Variants in DNAI4 observed in about 807,000 individuals in gnomAD.
The protein encoded by DNAI4 is dynein axonemal intermediate chain 4.
In DNAI4, 85 loss-of-function variants were observed where a neutral mutation model predicts 105.8. The observed-to-expected ratio is 0.80, with a 90% CI of 0.67 to 0.96. DNAI4 has a LOEUF of 0.96. DNAI4 is among the 40% of genes least tolerant of loss of function. The pLI, the probability that DNAI4 is intolerant of heterozygous loss-of-function variation, is 0.00. For missense variants in DNAI4, 1,014 were observed against 1,005.6 expected (o/e 1.01, Z -0.11); for synonymous variants, 352 against 331.5 (o/e 1.06, Z -0.67).
At chr1:66,832,971 A>G (rs1312199302) in intron 13 of DNAI4, among the ~76,000 whole-genome samples, 2 of 152,182 alleles carry the variant, frequency 1.3e-5, no homozygotes, top group African/African-American at 4.8e-5. Flanking sequence ...AAGACTATAT[A>G]CAAGTGGATT....
At chr1:66,836,258 AAGAAAGAAAG>A (rs1407612579) in intron 10 of DNAI4, among the ~76,000 whole-genome samples, 2 of 7,380 alleles carry the variant, frequency 2.7e-4, no homozygotes, top group Non-Finnish European at 5.7e-4. Flanking sequence ...GAGAGAGAGA[AAGAAAGAAAG>A]AAAGAAAGAA....
At chr1:66,889,295 T>G (rs1647392709) in intron 4 of DNAI4, among the ~76,000 whole-genome samples, 1 of 152,156 alleles carries the variant, frequency 6.6e-6, no homozygotes, top group African/African-American at 2.4e-5. Flanking sequence ...TTTTTTACCT[T>G]CCTGAAAAAT....
At chr1:66,879,069 G>A (rs1647014222) in intron 4 of DNAI4, among the ~76,000 whole-genome samples, 1 of 152,018 alleles carries the variant, frequency 6.6e-6, no homozygotes, top group South Asian at 2.1e-4. Flanking sequence ...CACTTTTTGT[G>A]TTGTAATATT....
At chr1:66,893,105 G>C (rs1035533698) in intron 3 of DNAI4, 124 bp downstream of exon 3, 1 of 466,646 alleles carries the variant, frequency 2.1e-6, no homozygotes, top group African/African-American at 2.1e-5. Flanking sequence ...AAGAAAGAAA[G>C]AAAGAAAGAA....
At chr1:66,865,076 T>C (rs370201928) in intron 6 of DNAI4, among the ~76,000 whole-genome samples, 1 of 152,192 alleles carries the variant, frequency 6.6e-6, no homozygotes, top group African/African-American at 2.4e-5. Flanking sequence ...ATAAAGTTTT[T>C]AAATAATGAA....
chr1:66,917,110 TAGAC>T (rs920751111), intron 1 of DNAI4, among the ~76,000 whole-genome samples: 3 of 152,238 alleles, frequency 2.0e-5, no homozygotes, highest in African/African-American at 7.2e-5. Flanking sequence ...GTATAAAAAT[TAGAC>T]AGGGAGCATT....
rs1257809146 is a variant in DNAI4, at chr1:66,834,129, A to G, written c.1753T>C (p.Leu585=). The G allele has an allele frequency of 5.0e-6, 8 of 1,604,200 alleles. No homozygotes were observed. The highest frequency in any genetic ancestry group is 2.2e-5 in the East Asian group (1 of 44,570). Residue 585 remains leucine, a synonymous_variant, in exon 12 of 17, where the codon TTG becomes CTG. Transcript: ENST00000371026. ...LDSSESPQKH[L]GPVWQLQWIE... ...CACTGTAGTTGCCATACAGGTCCCA[A>G]ATGTTTTTGAGGTGATTCACTAAAA...
intron 4 of DNAI4, among the ~76,000 whole-genome samples, chr1:66,877,653 T>C (rs1646985169): frequency 6.6e-6 from 1 of 152,174 alleles, no homozygotes; most frequent in African/African-American, 2.4e-5. Context: ...CTAATTTCCT[T>C]AAATTTAACT....
chr1:66,847,446 C>T, intron 8 of DNAI4, 38 bp downstream of exon 8: 1 of 1,581,210 alleles, frequency 6.3e-7, no homozygotes, highest in South Asian at 1.1e-5. Flanking sequence ...GCATAAGCAA[C>T]TGCACCCAGC....
At chr1:66,914,552 C>G (rs1187455804) in intron 1 of DNAI4, among the ~76,000 whole-genome samples, 1 of 152,138 alleles carries the variant, frequency 6.6e-6, no homozygotes, top group African/African-American at 2.4e-5. Flanking sequence ...CCTTCTAGCA[C>G]ATAAAACTTT....
chr1:66,837,724 T>C lies in DNAI4; in HGVS notation c.1567A>G (p.Ile523Val), dbSNP rs754116829. 11 of 1,609,514 alleles carry C rather than the reference T, an allele frequency of 6.8e-6. No homozygotes were observed. The highest frequency in any genetic ancestry group is 1.7e-5 in the Admixed American group (1 of 59,744). Residue 523 changes from isoleucine (I) to valine (V), a missense_variant, in exon 10 of 17, where the codon ATA becomes GTA. By Grantham distance (29) the Ile-to-Val change is conservative. Coordinates refer to ENST00000371026, the MANE Select transcript of DNAI4 (RefSeq NM_024763.5). The stretch of plus-strand genomic sequence containing the variant: ...GTTTGGGTTACCATGGGATTCTTTA[T>C]TGACCAGCAGCAAGCCAGTCCTCTT... ...QKRGLACCWS[I>V]KNPMWPERIY...
chr1:66,837,941 G>A, intron 9 of DNAI4, 145 bp from the exon 10 acceptor site: 1 of 755,936 alleles, frequency 1.3e-6, no homozygotes, highest in Non-Finnish European at 2.1e-6. Flanking sequence ...TACACCATCT[G>A]TTTTTACTCT....
chr1:66,920,632 C>T (rs1243144935), intron 1 of DNAI4, among the ~76,000 whole-genome samples: 1 of 152,170 alleles, frequency 6.6e-6, no homozygotes, highest in African/African-American at 2.4e-5. Flanking sequence ...GCTCCACCTC[C>T]CTCAAGGGGT....
chr1:66,909,684 C>T (rs958426030), intron 1 of DNAI4, among the ~76,000 whole-genome samples: 3 of 151,882 alleles, frequency 2.0e-5, no homozygotes, highest in Admixed American at 2.0e-4. Flanking sequence ...TAGACCTCTC[C>T]TCTGTATATC....
intron 8 of DNAI4, among the ~76,000 whole-genome samples, chr1:66,844,084 CAAA>C (rs55925419): frequency 4.5e-5 from 3 of 66,354 alleles, no homozygotes; most frequent in African/African-American, 1.2e-4. Context: ...ACTGGAGATT[CAAA>C]AAAAAAAAAA....
chr1:66,827,170 A>G (rs1300066570), intron 14 of DNAI4, 124 bp from the exon 15 acceptor site: 1 of 773,280 alleles, frequency 1.3e-6, no homozygotes, highest in African/African-American at 1.8e-5. Flanking sequence ...TGTGGGCATT[A>G]TTTTAGTTGA....
rs1645970468 is a variant in DNAI4 at position 66,835,693 on chromosome 1, A to G, written c.1666T>C (p.Tyr556His). The change falls in exon 11 of 17, where the codon TAT (tyrosine) becomes CAT (histidine). Residue 556 changes from tyrosine to histidine, a missense_variant. Transcript: ENST00000371026. The part of the protein sequence containing the change: ...IGAPNLLAVG[Y>H]HNGTIAIYNV... Reference sequence around the variant, plus strand: ...TAAATTGCAATTGTGCCATTGTGATAGCCAACGGCTAAAAGGTTAGGTGCT... The same window carrying G: ...TAAATTGCAATTGTGCCATTGTGATGGCCAACGGCTAAAAGGTTAGGTGCT... 6.2e-6 allele frequency: 10 copies of G among 1,614,024 alleles called. No homozygotes were observed. The highest frequency in any genetic ancestry group is 8.5e-6 in the Non-Finnish European group (10 of 1,179,970).
chr1:66,827,055 A>T lies in DNAI4; in HGVS notation c.2113-9T>A. On this transcript the variant is annotated splice_polypyrimidine_tract_variant and intron_variant, in intron 14 of 16. Coordinates refer to ENST00000371026, the MANE Select transcript of DNAI4 (RefSeq NM_024763.5). ...ACTTTATACACTGGACCCTAGAAAT[A>T]AAAAAAAAATACATAGGTAAATAAT... 5 of 1,211,058 alleles carry T rather than the reference A, an allele frequency of 4.1e-6. No individual in the cohort carries two copies. The highest frequency in any genetic ancestry group is 5.6e-6 in the Non-Finnish European group (5 of 896,662). 75.0% of individuals were successfully genotyped at this position (1,211,058 alleles called of 1,614,324 possible).
intron 1 of DNAI4, among the ~76,000 whole-genome samples, chr1:66,914,230 A>G (rs1649895859): frequency 6.6e-6 from 1 of 152,220 alleles, no homozygotes; most frequent in African/African-American, 2.4e-5. Flanking sequence ...TTGCCAAAGT[A>G]TACGTAAAAT....
Sources: gnomAD v4.1 joint callset for allele counts (sites outside exome capture counted in the v4.1 genomes callset) on GRCh38, gnomAD v4.1.1 for gene constraint, MANE v1.5 for transcripts, NCBI Gene and HGNC (gene_info 2026-07-23, HGNC 2026-07-21) for gene names.